The following NOL4L variants were observed in gnomAD, a reference collection of about 807,000 sequenced individuals.
NOL4L encodes nucleolar protein 4-like.
Under a neutral mutation model 64.5 loss-of-function variants are expected in NOL4L, and 7 were observed. The observed-to-expected ratio is 0.11, with a 90% CI of 0.06 to 0.20. The LOEUF (loss-of-function observed/expected upper bound fraction) is 0.20. Among genes scored for constraint, NOL4L ranks in the 10% least tolerant of loss-of-function variants. The pLI, the probability that NOL4L is intolerant of heterozygous loss-of-function variation, is 1.00. For missense variants in NOL4L, 680 were observed against 967.1 expected (o/e 0.70, Z 3.94); for synonymous variants, 413 against 401.0 (o/e 1.03, Z -0.36).
rs377027526 is a variant in NOL4L, at chr20:32,521,262, C to G, written c.478-340G>C. The stretch of plus-strand genomic sequence containing the variant: ...AAAAAATGGGCTTACAAACATTGCT[C>G]TAGCGTAGGGTGAGCAGTTCCCCTC... On this transcript the variant is annotated intron_variant, in intron 2 of 10. Transcript: ENST00000621426. Among the ~76,000 whole-genome samples the G allele has an allele frequency of 3.9e-5, 6 of 152,312 alleles. 1 individual carries two copies. Among genetic ancestry groups the G allele is most frequent in the African/African-American group, 1.4e-4 (6 of 41,568 alleles).
intron 4 of NOL4L, among the ~76,000 whole-genome samples, chr20:32,478,253 A>ACT (rs2015516499): frequency 7.9e-6 from 1 of 126,638 alleles, no homozygotes; most frequent in East Asian, 1.0e-3. Flanking sequence ...ACACACACAC[A>ACT]CACACACACA....
At chr20:32,475,086 C>G (rs1431086580) in intron 4 of NOL4L, 5 of 985,486 alleles carry the variant, frequency 5.1e-6, no homozygotes, top group East Asian at 1.1e-4. Flanking sequence ...CCGCTCCCTG[C>G]TCTCAGCCCA....
In NOL4L at chr20:32,447,403, C is replaced by CAA. The variant is rs386393630; in HGVS notation, c.*191_*192dup. 11,074 of 150,434 alleles carry CAA rather than the reference C, an allele frequency of 0.074. 2,066 individuals are homozygous for CAA. Among genetic ancestry groups the CAA allele is most frequent in the African/African-American group, 0.34 (4,573 of 13,336 alleles). The allele number at this position is 150,434 out of a possible 1,614,324, so 9.3% of individuals were successfully genotyped here. A position where few individuals can be genotyped will look rare whatever the true frequency, so the allele number is the denominator to read the frequency against. Reference sequence around the variant, plus strand: ...TCAGAGCACCCGTGTGGTGAGATTCCAAAAAAAAAAAAAAAAAAAAAAAAA... The same window carrying CAA: ...TCAGAGCACCCGTGTGGTGAGATTCCAAAAAAAAAAAAAAAAAAAAAAAAAAA... On this transcript the variant is annotated 3_prime_UTR_variant, in exon 11 of 11. Coordinates refer to ENST00000621426, the MANE Select transcript of NOL4L (RefSeq NM_001256798.2).
intron 2 of NOL4L, among the ~76,000 whole-genome samples, chr20:32,526,847 T>C (rs1200571393): frequency 6.6e-6 from 1 of 152,196 alleles, no homozygotes; most frequent in Non-Finnish European, 1.5e-5. Flanking sequence ...CTGGCTTCCC[T>C]GGGCACTGGA....
intron 1 of NOL4L, among the ~76,000 whole-genome samples, chr20:32,572,106 C>T (rs1242852068): frequency 1.3e-5 from 2 of 152,212 alleles, no homozygotes; most frequent in Non-Finnish European, 2.9e-5. Context: ...CTAAGCCTTG[C>T]TGTCAGAAGG....
Position 32,456,157 on chromosome 20 carries a change from C to A in NOL4L, c.1080G>T (p.Leu360=). Residue 360 remains leucine (L), a synonymous_variant, in exon 6 of 11, where the codon CTG becomes CTT. Transcript: ENST00000621426. ...YPSDGCGADG[L]RSRVKYGVKT... ...TCACCCCGTATTTGACGCGGCTCCG[C>A]AGCCCGTCGGCACCGCAGCCATCCG... The A allele has an allele frequency of 1.3e-6, 2 of 1,569,624 alleles. No homozygotes were observed. The highest frequency in any genetic ancestry group is 2.3e-5 in the East Asian group (1 of 42,642).
At chr20:32,516,542 A>G (rs1294710817) in intron 3 of NOL4L, among the ~76,000 whole-genome samples, 1 of 152,182 alleles carries the variant, frequency 6.6e-6, no homozygotes, top group Admixed American at 6.5e-5. Context: ...GGACTCACGA[A>G]CTATTGCTCA....
chr20:32,542,422 C>T (rs1012317629), intron 1 of NOL4L, among the ~76,000 whole-genome samples: 1 of 152,162 alleles, frequency 6.6e-6, no homozygotes, highest in Admixed American at 6.5e-5. Flanking sequence ...GGCAGGATCA[C>T]GGCTCACTGC....
chr20:32,549,866 T>A (rs547215538), intron 1 of NOL4L, among the ~76,000 whole-genome samples: 1 of 152,290 alleles, frequency 6.6e-6, no homozygotes, highest in South Asian at 2.1e-4. Context: ...AACAGGTAGT[T>A]CCTCAAAAGG....
intron 4 of NOL4L, among the ~76,000 whole-genome samples, chr20:32,502,478 A>G (rs2016960760): frequency 1.3e-5 from 2 of 151,652 alleles, no homozygotes; most frequent in Admixed American, 1.3e-4. Flanking sequence ...CTGTAATTCC[A>G]GTTACTCAGG....
chr20:32,494,269 AAAAAAAAAAAAAAC>A (rs1234447373), intron 4 of NOL4L, among the ~76,000 whole-genome samples: 23 of 141,908 alleles, frequency 1.6e-4, no homozygotes, highest in African/African-American at 5.7e-4. Flanking sequence ...AAAAAAAAAA[AAAAAAAAAAAAAAC>A]ACACAACACA....
chr20:32,542,213 G>A (rs1007112732), intron 1 of NOL4L, among the ~76,000 whole-genome samples: 4 of 152,162 alleles, frequency 2.6e-5, no homozygotes, highest in Non-Finnish European at 5.9e-5. Flanking sequence ...TCCAGGTTTC[G>A]GGGGCACCAA....
chr20:32,577,275 C>T (rs1296399129), intron 1 of NOL4L, among the ~76,000 whole-genome samples: 1 of 152,182 alleles, frequency 6.6e-6, no homozygotes, highest in Non-Finnish European at 1.5e-5. Context: ...GGGGGCCGGG[C>T]GGGGGTGGCG....
rs924706653 is a variant in NOL4L at position 32,560,118 on chromosome 20, G to T, written c.321+24452C>A. On this transcript the variant is annotated intron_variant, in intron 1 of 10. Transcript: ENST00000621426. ...AGGGCTGGGCAGCCCCAAGGCAGGG[G>T]AAGGGAGCACTGGTGAGGCCACGCC... Among the ~76,000 whole-genome samples the T allele has an allele frequency of 2.6e-5, 4 of 152,366 alleles. No individual in the cohort carries two copies. The East Asian group carries it at 7.7e-4, about 29-fold the overall frequency.
chr20:32,475,140 G>A lies in NOL4L; in HGVS notation c.700-398C>T, dbSNP rs911131445. 3 of 985,350 alleles carry A rather than the reference G, an allele frequency of 3.0e-6. No individual in the cohort carries two copies. The African/African-American group carries it at 5.2e-5, about 17-fold the overall frequency. The allele number at this position is 985,350 out of a possible 1,614,324, so 61.0% of individuals were successfully genotyped here. A position where few individuals can be genotyped will look rare whatever the true frequency, so the allele number is the denominator to read the frequency against. On this transcript the variant is annotated intron_variant, in intron 4 of 10. Transcript: ENST00000621426. ...GCACAGGACCCGGCGGCAAGAAGCG[G>A]GCAGCAGCACATGCCCGCCACCAGG...
intron 1 of NOL4L, among the ~76,000 whole-genome samples, chr20:32,560,646 A>G (rs1316267821): frequency 2.0e-5 from 3 of 152,388 alleles, no homozygotes; most frequent in African/African-American, 7.2e-5. Flanking sequence ...TATCCATTTC[A>G]TAGATGAAGA....
At chr20:32,548,631 A>G (rs1017300379) in intron 1 of NOL4L, 5 of 298,890 alleles carry the variant, frequency 1.7e-5, no homozygotes, top group Non-Finnish European at 2.7e-5. Flanking sequence ...CTCACGTTCT[A>G]GACATTATTG....
chr20:32,473,241 C>A (rs2015145890), intron 5 of NOL4L, among the ~76,000 whole-genome samples: 1 of 152,256 alleles, frequency 6.6e-6, no homozygotes, highest in African/African-American at 2.4e-5. Flanking sequence ...GTGGCCCCAG[C>A]TGGGCTCTGC....
intron 4 of NOL4L, among the ~76,000 whole-genome samples, chr20:32,494,274 AAAAAAAAAC>A (rs1420488398): frequency 0.2 from 25,646 of 127,888 alleles, 5,291 homozygotes; most frequent in East Asian, 0.61. Flanking sequence ...AAAAAAAAAA[AAAAAAAAAC>A]ACACAACACA....
Sources: allele counts gnomAD v4.1 joint callset (sites outside exome capture counted in the v4.1 genomes callset), GRCh38; gene constraint gnomAD v4.1.1; transcripts MANE v1.5; gene names NCBI Gene and HGNC (gene_info 2026-07-23, HGNC 2026-07-21).